ZNF714: variants seen among roughly 807,000 people sequenced by gnomAD.
The protein encoded by ZNF714 is zinc finger protein 714.
A neutral mutation model predicts 46.2 loss-of-function variants in ZNF714; 32 were observed. The ratio of observed to expected loss-of-function variants is 0.69; its 90% CI spans 0.52 to 0.93. The LOEUF is 0.93. Ranked by LOEUF, ZNF714 falls within the 40% of genes least tolerant of loss-of-function variation. ZNF714 has a pLI of 0.00. For synonymous variants in ZNF714, 199 were observed against 213.1 expected (o/e 0.93, Z 0.58); for missense variants, 635 against 646.3 (o/e 0.98, Z 0.19).
chr19:21,104,867 C>T (rs62124881), intron 4 of ZNF714, among the ~76,000 whole-genome samples: 13,785 of 151,886 alleles, frequency 0.091, 705 homozygotes, highest in Middle Eastern at 0.17. Flanking sequence ...CTACCTGACT[C>T]GGCCTCCCAA....
chr19:21,103,028 A>G lies in ZNF714; in HGVS notation c.142+4118A>G, dbSNP rs116993841. Among the ~76,000 whole-genome samples the G allele has an allele frequency of 5.7e-4, 86 of 152,158 alleles. No homozygotes were observed. The Middle Eastern group carries it at 0.014, about 24-fold the overall frequency. On this transcript the variant is annotated intron_variant, in intron 4 of 4. Coordinates refer to ENST00000456283, the MANE Select transcript of ZNF714 (RefSeq NM_182515.4). ...TATAAATATGACCCCAATATTGGTT[A>G]TGGCTTATCTTGTATACTTTCTTAG...
At chr19:21,098,096 A>G in intron 2 of ZNF714, 89 bp from the exon 3 acceptor site, 1 of 1,498,972 alleles carries the variant, frequency 6.7e-7, no homozygotes. Flanking sequence ...AATTCTCTTT[A>G]CTCTCTCATT....
intron 2 of ZNF714, 118 bp from the exon 3 acceptor site, chr19:21,098,067 T>G: frequency 1.4e-6 from 2 of 1,397,736 alleles, no homozygotes; most frequent in East Asian, 2.5e-5. Flanking sequence ...ATAATTTCAG[T>G]TATTCTTATA....
chr19:21,096,702 T>C (rs1479866942), intron 2 of ZNF714, among the ~76,000 whole-genome samples: 2 of 152,114 alleles, frequency 1.3e-5, no homozygotes, highest in African/African-American at 4.8e-5. Context: ...CTGCTGAACA[T>C]GGGAAGATGT....
Position 21,118,333 on chromosome 19 carries a change from T to G in ZNF714, c.*1T>G. 1.3e-6 allele frequency: 1 copy of G among 761,680 alleles called. No homozygotes were observed. The highest frequency in any genetic ancestry group is 2.1e-6 in the Non-Finnish European group (1 of 480,502). The allele number at this position is 761,680 out of a possible 1,614,324, so 47.2% of individuals were successfully genotyped here. On this transcript the variant is annotated 3_prime_UTR_variant, in exon 5 of 5. Transcript: ENST00000456283. Reference sequence around the variant, plus strand: ...TGGGTGTGGTGGCAGGCGCCTGTAATCCCAGCTACTTGGGAGGCAGAGGCA... The same window carrying G: ...TGGGTGTGGTGGCAGGCGCCTGTAAGCCCAGCTACTTGGGAGGCAGAGGCA...
chr19:21,107,326 G>A (rs548461932), intron 4 of ZNF714, among the ~76,000 whole-genome samples: 1 of 151,642 alleles, frequency 6.6e-6, no homozygotes, highest in East Asian at 1.9e-4. Flanking sequence ...CGCAACCTCC[G>A]CCTCCCGGGT....
At chr19:21,095,251 C>A (rs1969008585) in intron 2 of ZNF714, among the ~76,000 whole-genome samples, 1 of 152,140 alleles carries the variant, frequency 6.6e-6, no homozygotes, top group Non-Finnish European at 1.5e-5. Flanking sequence ...CTCCTTGCTT[C>A]TAGCTTTCCT....
chr19:21,092,195 G>C (rs1305352460), intron 2 of ZNF714, among the ~76,000 whole-genome samples: 1 of 152,088 alleles, frequency 6.6e-6, no homozygotes, highest in Non-Finnish European at 1.5e-5. Flanking sequence ...AAGGAGCTCT[G>C]ATGACAGACC....
At chr19:21,088,443 G>A (rs930903675) in intron 2 of ZNF714, among the ~76,000 whole-genome samples, 21 of 152,090 alleles carry the variant, frequency 1.4e-4, no homozygotes, top group Admixed American at 6.5e-4. Context: ...CTTCAAGATA[G>A]GTAAATTGAA....
At chr19:21,107,739 T>C (rs2144861355) in intron 4 of ZNF714, among the ~76,000 whole-genome samples, 1 of 152,296 alleles carries the variant, frequency 6.6e-6, no homozygotes, top group African/African-American at 2.4e-5. Flanking sequence ...TCCATGCTAG[T>C]TTTGAACCTC....
intron 4 of ZNF714, among the ~76,000 whole-genome samples, chr19:21,114,546 T>C (rs1969545904): frequency 6.6e-6 from 1 of 152,180 alleles, no homozygotes; most frequent in South Asian, 2.1e-4. Flanking sequence ...TGTCTTTTCA[T>C]GCGAAGTGGG....
chr19:21,103,542 G>A (rs1358040707), intron 4 of ZNF714, among the ~76,000 whole-genome samples: 1 of 152,094 alleles, frequency 6.6e-6, no homozygotes, highest in African/African-American at 2.4e-5. Flanking sequence ...GACAGAGCGA[G>A]ATTATGTCTC....
At chr19:21,092,568 G>A (rs1292660035) in intron 2 of ZNF714, among the ~76,000 whole-genome samples, 1 of 152,068 alleles carries the variant, frequency 6.6e-6, no homozygotes, top group Non-Finnish European at 1.5e-5. Context: ...TCTTCCCCAC[G>A]CATGGATTTT....
rs117315462 is a variant in ZNF714 at position 21,101,885 on chromosome 19, G to A, written c.142+2975G>A. Among the ~76,000 whole-genome samples, 1,209 of 152,244 alleles carry A rather than the reference G, an allele frequency of 7.9e-3. 14 individuals carry two copies. The highest frequency in any genetic ancestry group is 9.5e-3 in the Non-Finnish European group (649 of 68,026). ...TAGTTTCTCACATGAATAAGTGCCT[G>A]TCCTCTGAAAAAAACACTCCTCAAT... On this transcript the variant is annotated intron_variant, in intron 4 of 4. Transcript: ENST00000456283.
chr19:21,119,254 T>A lies in ZNF714; in HGVS notation c.*922T>A. The A allele has an allele frequency of 3.1e-6, 1 of 319,700 alleles. No homozygotes were observed. Among genetic ancestry groups the A allele is most frequent in the Non-Finnish European group, 6.2e-6 (1 of 161,792 alleles). The allele number at this position is 319,700 out of a possible 1,614,324, so 19.8% of individuals were successfully genotyped here. A position where few individuals can be genotyped will look rare whatever the true frequency, so the allele number is the denominator to read the frequency against. On this transcript the variant is annotated 3_prime_UTR_variant, in exon 5 of 5. Transcript: ENST00000456283. ...CCCATCTCTACTAAAAATACAACAA[T>A]TAGCCGGTTGCGGTGGTGGTGCCTG...
chr19:21,091,284 A>G lies in ZNF714; in HGVS notation c.-84-6901A>G, dbSNP rs1239211110. On this transcript the variant is annotated intron_variant, in intron 2 of 4. Coordinates refer to ENST00000456283, the MANE Select transcript of ZNF714 (RefSeq NM_182515.4). Reference sequence around the variant, plus strand: ...TGGGAGTATAGCAGAGAGGATGACCATAGGTCACTCTCATCACCATGTTAA... The same window carrying G: ...TGGGAGTATAGCAGAGAGGATGACCGTAGGTCACTCTCATCACCATGTTAA... 5.3e-5 allele frequency: 8 copies of G among 152,208 alleles called. No individual in the cohort carries two copies. In the South Asian group the frequency reaches 6.2e-4, roughly 12 times the overall value. The allele number at this position is 152,208 out of a possible 1,614,324, so 9.4% of individuals were successfully genotyped here.
At chr19:21,084,145 T>C (rs2036824371) in intron 2 of ZNF714, 76 bp downstream of exon 2, 3 of 494,844 alleles carry the variant, frequency 6.1e-6, no homozygotes, top group African/African-American at 2.2e-5. Context: ...GGTAGAAATA[T>C]AATGAAATAA....
Position 21,082,215 on chromosome 19 carries a change from A to T in ZNF714, c.-310A>T, listed in dbSNP as rs1968665335. The T allele has an allele frequency of 1.0e-6, 1 of 956,236 alleles. No homozygotes were observed. Among genetic ancestry groups the T allele is most frequent in the African/African-American group, 1.6e-5 (1 of 63,804 alleles). The allele number at this position is 956,236 out of a possible 1,614,324, so 59.2% of individuals were successfully genotyped here. ...TGGCGGGGCCTTTGTCTCTCGCTGC[A>T]GCTGGAGCTGCAGGTCTCGCCTTCA... On this transcript the variant is annotated 5_prime_UTR_variant, in exon 1 of 5. Coordinates refer to ENST00000456283, the MANE Select transcript of ZNF714 (RefSeq NM_182515.4).
rs1969109709 is a variant in ZNF714 at position 21,099,037 on chromosome 19, G to T, written c.142+127G>T. 4 of 475,342 alleles carry T rather than the reference G, an allele frequency of 8.4e-6. No individual in the cohort carries two copies. In the Admixed American group the frequency reaches 1.5e-4, roughly 18 times the overall value. 29.4% of individuals were successfully genotyped at this position (475,342 alleles called of 1,614,324 possible). ...TTGCAAAGTATATAGTTTCTGGGAA[G>T]ACTGAATATTTTCTTAAAATTTTCT... On this transcript the variant is annotated intron_variant, in intron 4 of 4. Transcript: ENST00000456283.
Sources: gnomAD v4.1 joint callset for allele counts (sites outside exome capture counted in the v4.1 genomes callset) on GRCh38, gnomAD v4.1.1 for gene constraint, MANE v1.5 for transcripts, NCBI Gene and HGNC (gene_info 2026-07-23, HGNC 2026-07-21) for gene names.